The following TPRG1 variants were observed in gnomAD, a reference collection of about 807,000 sequenced individuals.
TPRG1 encodes the protein tumor protein p63 regulated 1.
Under a neutral mutation model 29.3 loss-of-function variants are expected in TPRG1, and 29 were observed. The observed-to-expected ratio is 0.99, with a 90% CI of 0.74 to 1.35. The LOEUF is 1.35. Among genes scored for constraint, TPRG1 ranks in the 40% most tolerant of loss-of-function variants. TPRG1 has a pLI of 0.00. For synonymous variants in TPRG1, 130 were observed against 116.8 expected (o/e 1.11, Z -0.73); for missense variants, 327 against 335.0 (o/e 0.98, Z 0.19).
chr3:189,094,379 C>T (rs2152182880), intron 4 of TPRG1, among the ~76,000 whole-genome samples: 1 of 152,272 alleles, frequency 6.6e-6, no homozygotes, highest in East Asian at 1.9e-4. Context: ...TAACTGCCCC[C>T]TCCTTCTCTT....
chr3:189,188,652 C>T (rs1731272692), intron 1 of TPRG1, among the ~76,000 whole-genome samples: 1 of 152,186 alleles, frequency 6.6e-6, no homozygotes, highest in Non-Finnish European at 1.5e-5. Flanking sequence ...GTGTACTGGG[C>T]TTATCTCTAA....
At chr3:189,206,600 A>G (rs1166086209) in intron 1 of TPRG1, among the ~76,000 whole-genome samples, 1 of 150,628 alleles carries the variant, frequency 6.6e-6, no homozygotes, top group African/African-American at 2.5e-5. Flanking sequence ...TCCTGTGCTC[A>G]GGTGAACCTC....
intron 4 of TPRG1, among the ~76,000 whole-genome samples, chr3:189,290,447 A>T (rs2109197726): frequency 6.6e-6 from 1 of 152,356 alleles, no homozygotes; most frequent in African/African-American, 2.4e-5. Context: ...AGAAATATGG[A>T]AGATGACTTG....
chr3:189,289,330 C>T (rs1345062869), intron 4 of TPRG1, among the ~76,000 whole-genome samples: 1 of 152,080 alleles, frequency 6.6e-6, no homozygotes, highest in Non-Finnish European at 1.5e-5. Flanking sequence ...TTGTCAAATT[C>T]AATCAAGTCA....
intron 4 of TPRG1, among the ~76,000 whole-genome samples, chr3:189,239,542 A>G (rs905377694): frequency 2.0e-4 from 30 of 152,132 alleles, no homozygotes; most frequent in African/African-American, 6.5e-4. Flanking sequence ...AATGCACTCA[A>G]CCTAATTTGT....
intron 4 of TPRG1, among the ~76,000 whole-genome samples, chr3:189,290,046 C>T (rs560331502): frequency 3.3e-5 from 5 of 152,074 alleles, no homozygotes; most frequent in Non-Finnish European, 7.4e-5. Context: ...AATGATAAAA[C>T]AATTGCAAAT....
intron 4 of TPRG1, among the ~76,000 whole-genome samples, chr3:189,058,002 A>T (rs527955165): frequency 1.6e-3 from 244 of 151,774 alleles, no homozygotes; most frequent in African/African-American, 5.6e-3. Context: ...TATTATGCTG[A>T]ATATTAACAT....
At chr3:189,070,886 A>G (rs1468864868) in intron 4 of TPRG1, among the ~76,000 whole-genome samples, 1 of 152,052 alleles carries the variant, frequency 6.6e-6, no homozygotes, top group Non-Finnish European at 1.5e-5. Flanking sequence ...CTGGCCTTTG[A>G]CAGTCCAAGA....
At chr3:189,118,997 A>G (rs956724156) in intron 1 of TPRG1, among the ~76,000 whole-genome samples, 3 of 152,238 alleles carry the variant, frequency 2.0e-5, no homozygotes, top group Non-Finnish European at 4.4e-5. Flanking sequence ...GTCTACATAC[A>G]GCTTGCACTG....
intron 1 of TPRG1, among the ~76,000 whole-genome samples, chr3:189,116,792 A>G (rs1721228717): frequency 1.3e-5 from 2 of 152,140 alleles, no homozygotes; most frequent in South Asian, 4.1e-4. Context: ...GAAAGGGATG[A>G]ATGGGGAGTT....
At chr3:189,010,974 C>A (rs1281345400) in intron 3 of TPRG1, among the ~76,000 whole-genome samples, 1 of 152,146 alleles carries the variant, frequency 6.6e-6, no homozygotes, top group Non-Finnish European at 1.5e-5. Context: ...CTTCAATCTT[C>A]TGCATATGGC....
In TPRG1 at chr3:189,321,436, T is replaced by A. The variant is rs899248704; in HGVS notation, c.*616T>A. ...TGAAGTCTGTCAATTTTGATTTCTC[T>A]AAATTCCTTGCCATGACATCCTATA... On this transcript the variant is annotated 3_prime_UTR_variant, in exon 6 of 6. Coordinates refer to ENST00000345063, the MANE Select transcript of TPRG1 (RefSeq NM_198485.4). The A allele has an allele frequency of 6.6e-6, 1 of 152,158 alleles. No homozygotes were observed. The highest frequency in any genetic ancestry group is 1.5e-5 in the Non-Finnish European group (1 of 68,028). The allele number at this position is 152,158 out of a possible 1,614,324, so 9.4% of individuals were successfully genotyped here.
intron 5 of TPRG1, among the ~76,000 whole-genome samples, chr3:189,166,697 A>C (rs919612983): frequency 7.9e-5 from 12 of 152,132 alleles, no homozygotes; most frequent in Non-Finnish European, 1.8e-4. Context: ...TGTGTGTTTA[A>C]ATTTTGTCAA....
intron 4 of TPRG1, among the ~76,000 whole-genome samples, chr3:189,048,351 A>G (rs954550377): frequency 3.3e-5 from 5 of 152,238 alleles, no homozygotes; most frequent in Non-Finnish European, 5.9e-5. Context: ...TGCTATAAAA[A>G]GATGTGTTAT....
intron 4 of TPRG1, among the ~76,000 whole-genome samples, chr3:189,050,981 T>A (rs1560415082): frequency 6.6e-6 from 1 of 152,110 alleles, no homozygotes; most frequent in Non-Finnish European, 1.5e-5. Context: ...AACATAATAT[T>A]GAATGGGGAA....
chr3:189,022,619 C>T (rs1331848065), intron 3 of TPRG1, among the ~76,000 whole-genome samples: 1 of 152,118 alleles, frequency 6.6e-6, no homozygotes, highest in Non-Finnish European at 1.5e-5. Flanking sequence ...GCTGGGAGAA[C>T]TACTGCTCTC....
At chr3:189,000,678 T>TA (rs1170597899) in intron 1 of TPRG1, 1 of 152,246 alleles carries the variant, frequency 6.6e-6, no homozygotes, top group African/African-American at 2.4e-5. Context: ...ACCAGTATCC[T>TA]ATTAGTGAGG....
chr3:189,093,492 T>G (rs1718470060), intron 4 of TPRG1, among the ~76,000 whole-genome samples: 1 of 152,222 alleles, frequency 6.6e-6, no homozygotes, highest in African/African-American at 2.4e-5. Context: ...TATGGATTGT[T>G]TCTGTGAGCT....
At position 189,078,068 on chromosome 3, in the gene TPRG1, C is replaced by CCTTTCTCT. The variant is rs1553899954; in HGVS notation, c.-462-48966_-462-48959dup. Among the ~76,000 whole-genome samples the CCTTTCTCT allele has an allele frequency of 2.6e-3, 328 of 124,102 alleles. 5 individuals carry two copies. Among genetic ancestry groups the CCTTTCTCT allele is most frequent in the African/African-American group, 7.1e-3 (206 of 29,118 alleles). The allele number at this position is 124,102 out of a possible 152,430, so 81.4% of individuals were successfully genotyped here. A position where few individuals can be genotyped will look rare whatever the true frequency, so the allele number is the denominator to read the frequency against. On this transcript the variant is annotated intron_variant, in intron 4 of 10. Coordinates refer to the TPRG1 transcript ENST00000433971. Reference sequence around the variant, plus strand: ...CCTTCCTTCCTTCCTTCCTTTCTCTCCTTTCTCTCTTTCTCTCTTTCTCTC... The same window carrying CCTTTCTCT: ...CCTTCCTTCCTTCCTTCCTTTCTCTCCTTTCTCTCTTTCTCTCTTTCTCTCTTTCTCTC...
Sources: allele counts gnomAD v4.1 joint callset (sites outside exome capture counted in the v4.1 genomes callset), GRCh38; gene constraint gnomAD v4.1.1; transcripts MANE v1.5; gene names NCBI Gene and HGNC (gene_info 2026-07-23, HGNC 2026-07-21).